Variants in SUSD4 observed in about 807,000 individuals in gnomAD.
The protein encoded by SUSD4 is sushi domain containing 4, also known as sushi domain-containing protein 4.
Under a neutral mutation model 50.5 loss-of-function variants are expected in SUSD4, and 41 were observed. The observed-to-expected ratio is 0.81, with a 90% CI of 0.63 to 1.05. The LOEUF (loss-of-function observed/expected upper bound fraction) is 1.05. SUSD4 is among the 50% of genes least tolerant of loss of function. The pLI, the probability that SUSD4 is intolerant of heterozygous loss-of-function variation, is 0.00. For missense variants in SUSD4, 580 were observed against 634.7 expected, an observed-to-expected ratio of 0.91 and a Z score of 0.93; for synonymous variants, 257 against 257.3, an observed-to-expected ratio of 1.00 and a Z score of 0.01.
At chr1:223,306,656 T>C (rs913555832) in intron 2 of SUSD4, among the ~76,000 whole-genome samples, 2 of 152,150 alleles carry the variant, frequency 1.3e-5, no homozygotes, top group Non-Finnish European at 2.9e-5. Context: ...CATGCCTGGA[T>C]AATTTTTTAT....
intron 5 of SUSD4, among the ~76,000 whole-genome samples, chr1:223,241,284 T>C (rs1209037076): frequency 2.0e-5 from 3 of 152,336 alleles, no homozygotes; most frequent in East Asian, 3.9e-4. Flanking sequence ...TGTGAGAACC[T>C]GGTAGAGCTT....
chr1:223,221,112 G>T lies in SUSD4; in HGVS notation c.*1080C>A, dbSNP rs945720520. ...GTAGGAATGCAGGAATGATAGGCAG[G>T]TGAGGTGGCTGAGCTATCTGGGCTG... On this transcript the variant is annotated 3_prime_UTR_variant, in exon 9 of 9. Coordinates refer to ENST00000366878, the MANE Select transcript of SUSD4 (RefSeq NM_017982.4). The T allele has an allele frequency of 2.7e-5, 11 of 400,750 alleles. No homozygotes were observed. The highest frequency in any genetic ancestry group is 4.9e-5 in the Non-Finnish European group (11 of 226,264). The allele number at this position is 400,750 out of a possible 1,614,324, so 24.8% of individuals were successfully genotyped here.
chr1:223,282,640 A>T (rs987094053), intron 3 of SUSD4, among the ~76,000 whole-genome samples: 1 of 152,210 alleles, frequency 6.6e-6, no homozygotes, highest in East Asian at 1.9e-4. Flanking sequence ...GGAACAATCA[A>T]TATTGTGAAA....
At chr1:223,254,590 T>C (rs1027646696) in intron 5 of SUSD4, among the ~76,000 whole-genome samples, 2 of 151,952 alleles carry the variant, frequency 1.3e-5, no homozygotes, top group African/African-American at 4.8e-5. Context: ...TAAAAAGTAA[T>C]AGCAGGAATG....
intron 5 of SUSD4, among the ~76,000 whole-genome samples, chr1:223,252,619 A>G (rs185159938): frequency 6.6e-6 from 1 of 152,296 alleles, no homozygotes; most frequent in Admixed American, 6.5e-5. Flanking sequence ...AGAATAATAT[A>G]CTTATAGTAT....
In SUSD4 at chr1:223,292,483, G is replaced by T; in HGVS notation, c.317C>A (p.Thr106Asn). 2 of 1,614,128 alleles carry T rather than the reference G, an allele frequency of 1.2e-6. No homozygotes were observed. The highest frequency in any genetic ancestry group is 1.7e-6 in the Non-Finnish European group (2 of 1,180,020). Residue 106 changes from threonine (T) to asparagine (N), a missense_variant, in exon 3 of 9, where the codon ACC (threonine) becomes AAC (asparagine). Coordinates refer to ENST00000366878, the MANE Select transcript of SUSD4 (RefSeq NM_017982.4). ...KRLCLKHFNG[T>N]LGWIPSDNSI... The stretch of plus-strand genomic sequence containing the variant: ...ATTATCACTTGGGATCCAGCCTAGG[G>T]TTCCATTAAAATGCTTCAAACACAG...
intron 3 of SUSD4, among the ~76,000 whole-genome samples, chr1:223,281,775 G>C (rs1663753262): frequency 6.6e-6 from 1 of 152,050 alleles, no homozygotes; most frequent in African/African-American, 2.4e-5. Context: ...GCCTGGCAGA[G>C]ACACAACAAA....
chr1:223,280,259 G>A (rs1663608919), intron 3 of SUSD4, among the ~76,000 whole-genome samples: 1 of 152,100 alleles, frequency 6.6e-6, no homozygotes, highest in South Asian at 2.1e-4. Flanking sequence ...ATGTAAATGG[G>A]CTAAATGCTC....
At chr1:223,282,754 A>G (rs1219856673) in intron 3 of SUSD4, among the ~76,000 whole-genome samples, 2 of 152,108 alleles carry the variant, frequency 1.3e-5, no homozygotes, top group African/African-American at 4.8e-5. Flanking sequence ...AAGTTCATAT[A>G]GAACCAAAAA....
rs1659145728 is a variant in SUSD4, at chr1:223,221,738, T to C, written c.*454A>G. On this transcript the variant is annotated 3_prime_UTR_variant, in exon 9 of 9. Transcript: ENST00000366878. ...TTCTTCCAGCATCTCAACACAAACTTTCTGCAGAGGCTGACCCATCCAAAT... is the reference window on the plus strand; with the variant it reads ...TTCTTCCAGCATCTCAACACAAACTCTCTGCAGAGGCTGACCCATCCAAAT... The C allele has an allele frequency of 6.4e-6, 1 of 156,616 alleles. No individual in the cohort carries two copies. Among genetic ancestry groups the C allele is most frequent in the Admixed American group, 6.5e-5 (1 of 15,396 alleles). 9.7% of individuals were successfully genotyped at this position (156,616 alleles called of 1,614,324 possible).
chr1:223,257,914 G>A (rs751411849), intron 5 of SUSD4, among the ~76,000 whole-genome samples: 57 of 152,148 alleles, frequency 3.7e-4, no homozygotes, highest in Non-Finnish European at 6.5e-4. Flanking sequence ...AGTAATTTAC[G>A]ACCTTATTGG....
At chr1:223,286,316 C>T (rs963394088) in intron 3 of SUSD4, among the ~76,000 whole-genome samples, 1 of 152,190 alleles carries the variant, frequency 6.6e-6, no homozygotes, top group African/African-American at 2.4e-5. Flanking sequence ...GGGGTTTCAC[C>T]GTGTTAGCCA....
chr1:223,232,354 T>A (rs1659953343), intron 5 of SUSD4, among the ~76,000 whole-genome samples: 1 of 152,236 alleles, frequency 6.6e-6, no homozygotes, highest in Non-Finnish European at 1.5e-5. Context: ...AATAGTCATT[T>A]CACTGTGTAG....
chr1:223,268,042 T>TATATAC lies in SUSD4; in HGVS notation c.535+459_535+460insGTATAT, dbSNP rs869264392. ...ATATATATATATATATATATATATA[T>TATATAC]ACACACACACTGTTAAGAGAAAACA... On this transcript the variant is annotated intron_variant, in intron 4 of 8. Transcript: ENST00000366878. Among the ~76,000 whole-genome samples, 7 of 106,838 alleles carry TATATAC rather than the reference T, an allele frequency of 6.6e-5. No homozygotes were observed. The South Asian group carries it at 2.0e-3, about 30-fold the overall frequency. The allele number at this position is 106,838 out of a possible 152,430, so 70.1% of individuals were successfully genotyped here.
intron 5 of SUSD4, among the ~76,000 whole-genome samples, chr1:223,247,348 T>C (rs1026558912): frequency 2.0e-5 from 3 of 152,194 alleles, no homozygotes; most frequent in Non-Finnish European, 4.4e-5. Context: ...CTGCCTAGAA[T>C]GGAAATGATC....
intron 3 of SUSD4, among the ~76,000 whole-genome samples, chr1:223,280,599 G>C (rs1663641351): frequency 6.6e-6 from 1 of 152,082 alleles, no homozygotes; most frequent in African/African-American, 2.4e-5. Context: ...AGTCCTTAGA[G>C]ATCTACAAAG....
At chr1:223,307,850 T>C (rs376644268) in intron 2 of SUSD4, among the ~76,000 whole-genome samples, 23 of 152,176 alleles carry the variant, frequency 1.5e-4, no homozygotes, top group African/African-American at 4.8e-4. Context: ...AAAGATTAGC[T>C]TGAGGAAAAT....
intron 5 of SUSD4, chr1:223,263,781 T>C (rs2103071855): frequency 2.0e-6 from 2 of 985,486 alleles, no homozygotes; most frequent in Non-Finnish European, 2.4e-6. Context: ...TGCTGTAAAC[T>C]TGTAAGAACT....
At chr1:223,286,482 T>G (rs1298104055) in intron 3 of SUSD4, among the ~76,000 whole-genome samples, 1 of 151,648 alleles carries the variant, frequency 6.6e-6, no homozygotes, top group Non-Finnish European at 1.5e-5. Flanking sequence ...AACTCCTGGC[T>G]TCAAGGTGAT....
Sources: allele counts gnomAD v4.1 joint callset (sites outside exome capture counted in the v4.1 genomes callset), GRCh38; gene constraint gnomAD v4.1.1; transcripts MANE v1.5; gene names NCBI Gene and HGNC (gene_info 2026-07-23, HGNC 2026-07-21).